NELL2: variants seen among roughly 807,000 people sequenced by gnomAD.
The protein encoded by NELL2 is neural EGFL like 2.
Under a neutral mutation model 109.6 loss-of-function variants are expected in NELL2, and 41 were observed. The observed-to-expected ratio is 0.37, with a 90% CI of 0.29 to 0.49. The LOEUF is 0.49. Ranked by LOEUF, NELL2 falls within the 20% of genes least tolerant of loss-of-function variation. The pLI, the probability that NELL2 is intolerant of heterozygous loss-of-function variation, is 0.98. For synonymous variants in NELL2, 355 were observed against 344.7 expected, an observed-to-expected ratio of 1.03 and a Z score of -0.33; for missense variants, 900 against 1,008.3, an observed-to-expected ratio of 0.89 and a Z score of 1.45.
chr12:44,815,610 TCTTAAAC>T (rs1184804346), intron 3 of NELL2, among the ~76,000 whole-genome samples: 1 of 152,208 alleles, frequency 6.6e-6, no homozygotes, highest in African/African-American at 2.4e-5. Context: ...AACCATTCTA[TCTTAAAC>T]CAATCTTTGT....
chr12:44,802,095 C>T (rs1942851592), intron 3 of NELL2, among the ~76,000 whole-genome samples: 1 of 152,038 alleles, frequency 6.6e-6, no homozygotes, highest in African/African-American at 2.4e-5. Context: ...TCGTATTACT[C>T]TACATTATTG....
intron 15 of NELL2, among the ~76,000 whole-genome samples, chr12:44,554,539 G>C (rs1340700595): frequency 1.3e-5 from 2 of 152,124 alleles, no homozygotes; most frequent in African/African-American, 4.8e-5. Context: ...TTGTGATGAT[G>C]ATTCCGTGGA....
At chr12:44,845,512 C>A (rs935924291) in intron 2 of NELL2, among the ~76,000 whole-genome samples, 1 of 152,224 alleles carries the variant, frequency 6.6e-6, no homozygotes, top group Non-Finnish European at 1.5e-5. Flanking sequence ...AAGTGCTCAA[C>A]AGCCACACAG....
At chr12:44,880,925 G>A (rs181621777), upstream of NELL2, 2 of 151,842 alleles carry the variant, frequency 1.3e-5, no homozygotes, top group Admixed American at 6.6e-5. Context: ...ATCTGTAATT[G>A]GTTGTGACCA....
At chr12:44,538,618 G>A (rs932535728) in intron 15 of NELL2, among the ~76,000 whole-genome samples, 1 of 152,160 alleles carries the variant, frequency 6.6e-6, no homozygotes, top group South Asian at 2.1e-4. Context: ...GTGTCAAGCC[G>A]GTAGGACTGG....
chr12:44,603,218 C>T (rs1404489656), intron 15 of NELL2, among the ~76,000 whole-genome samples: 1 of 151,952 alleles, frequency 6.6e-6, no homozygotes, highest in Non-Finnish European at 1.5e-5. Flanking sequence ...AAAAAAAAAG[C>T]ATTTATCATC....
intron 3 of NELL2, among the ~76,000 whole-genome samples, chr12:44,803,936 T>C (rs1400003387): frequency 2.0e-5 from 3 of 151,992 alleles, no homozygotes; most frequent in African/African-American, 4.8e-5. Flanking sequence ...AAAATGTGCA[T>C]AGTTTAAGTG....
In NELL2 at chr12:44,574,716, G is replaced by A. The variant is rs375994592; in HGVS notation, c.1663+32453C>T. Among the ~76,000 whole-genome samples the A allele has an allele frequency of 1.1e-4, 17 of 152,240 alleles. 2 individuals are homozygous for A. Among genetic ancestry groups the A allele is most frequent in the African/African-American group, 4.1e-4 (17 of 41,556 alleles). On this transcript the variant is annotated intron_variant, in intron 15 of 19. Transcript: ENST00000429094. Reference sequence around the variant, plus strand: ...AGCAAAAATACCATTTGAATTAAGAGTTGCTAGTGCTTCAGAGATTTGGCA... The same window carrying A: ...AGCAAAAATACCATTTGAATTAAGAATTGCTAGTGCTTCAGAGATTTGGCA...
chr12:44,918,814 C>G (rs1945848068), upstream of NELL2, among the ~76,000 whole-genome samples: 1 of 152,018 alleles, frequency 6.6e-6, no homozygotes, highest in African/African-American at 2.4e-5. Flanking sequence ...AATGGCAGTC[C>G]TTATTTGATA....
At chr12:44,528,890 A>C (rs556466269) in intron 16 of NELL2, among the ~76,000 whole-genome samples, 5 of 152,368 alleles carry the variant, frequency 3.3e-5, no homozygotes, top group African/African-American at 1.2e-4. Flanking sequence ...GGCATTCCAC[A>C]TAAAGTGACA....
chr12:44,755,455 A>AC (rs1940847703), intron 9 of NELL2, among the ~76,000 whole-genome samples: 1 of 151,668 alleles, frequency 6.6e-6, no homozygotes, highest in Admixed American at 6.6e-5. Flanking sequence ...TCTCTCTGTC[A>AC]CAATGTCTGC....
At chr12:44,769,309 T>C (rs1182880822) in intron 9 of NELL2, among the ~76,000 whole-genome samples, 1 of 152,166 alleles carries the variant, frequency 6.6e-6, no homozygotes, top group African/African-American at 2.4e-5. Context: ...TTACTTTTTA[T>C]TATTTAATAT....
At chr12:44,899,881 G>A (rs574855002) in intron 1 of NELL2, among the ~76,000 whole-genome samples, 3 of 152,224 alleles carry the variant, frequency 2.0e-5, no homozygotes, top group South Asian at 4.1e-4. Flanking sequence ...TATGTGCAAA[G>A]ACACACATAG....
chr12:44,740,941 A>G (rs1939923117), intron 9 of NELL2, among the ~76,000 whole-genome samples: 1 of 152,238 alleles, frequency 6.6e-6, no homozygotes, highest in Admixed American at 6.5e-5. Context: ...AATAAAAAAT[A>G]TAGCAATTAT....
intron 12 of NELL2, among the ~76,000 whole-genome samples, chr12:44,667,178 A>C (rs914303553): frequency 6.6e-6 from 1 of 152,208 alleles, no homozygotes; most frequent in Non-Finnish European, 1.5e-5. Flanking sequence ...GGTATAAATT[A>C]TCTATTAGTG....
At chr12:44,855,858 T>C (rs530568421) in intron 2 of NELL2, among the ~76,000 whole-genome samples, 5 of 152,336 alleles carry the variant, frequency 3.3e-5, no homozygotes, top group South Asian at 4.1e-4. Flanking sequence ...TTTGGAGTTA[T>C]TCAAAGTTAA....
chr12:44,763,290 T>C (rs796411985), intron 9 of NELL2, among the ~76,000 whole-genome samples: 4 of 152,300 alleles, frequency 2.6e-5, no homozygotes, highest in African/African-American at 9.6e-5. Flanking sequence ...TGAACATAGA[T>C]GGGCGAATTA....
chr12:44,736,225 G>C (rs1455186810), intron 9 of NELL2, among the ~76,000 whole-genome samples: 1 of 151,598 alleles, frequency 6.6e-6, no homozygotes, highest in African/African-American at 2.4e-5. Flanking sequence ...CAGCCAGGAT[G>C]GTCTCAATCT....
At chr12:44,517,527 A>G (rs1196743404) in intron 19 of NELL2, among the ~76,000 whole-genome samples, 10 of 151,958 alleles carry the variant, frequency 6.6e-5, no homozygotes, top group African/African-American at 2.4e-4. Flanking sequence ...TTCTTTGTAA[A>G]TTACCCAAGC....
Sources: allele counts gnomAD v4.1 joint callset (sites outside exome capture counted in the v4.1 genomes callset), GRCh38; gene constraint gnomAD v4.1.1; transcripts MANE v1.5; gene names NCBI Gene and HGNC (gene_info 2026-07-23, HGNC 2026-07-21).